Variants in AMOT observed in about 807,000 individuals in gnomAD.
AMOT encodes angiomotin.
AMOT carries 11 observed loss-of-function variants against 67.0 expected under a neutral mutation model. That is an observed-to-expected ratio of 0.16 (90% CI 0.10 to 0.27). The LOEUF (loss-of-function observed/expected upper bound fraction) is 0.27. Ranked by LOEUF, AMOT falls within the 10% of genes least tolerant of loss-of-function variation. The probability of loss-of-function intolerance (pLI) is 1.00; values close to 1 mark genes in which losing one functional copy is unlikely to be tolerated. For missense variants in AMOT, 753 were observed against 852.0 expected (o/e 0.88, Z 1.45); for synonymous variants, 326 against 321.4 (o/e 1.01, Z -0.15).
chrX:112,833,522 T>C (rs1935055215), intron 1 of AMOT, among the ~76,000 whole-genome samples: 2 of 102,730 alleles, frequency 1.9e-5, no homozygotes, highest in Non-Finnish European at 3.9e-5. Flanking sequence ...TCAAAAACTG[T>C]TTGCTTTTTA....
At chrX:112,806,554 C>T (rs1184967850) in intron 7 of AMOT, among the ~76,000 whole-genome samples, 2 of 109,137 alleles carry the variant, frequency 1.8e-5, no homozygotes, top group African/African-American at 6.7e-5. Context: ...ATATAATGAG[C>T]GTTTAATAAA....
intron 5 of AMOT, 152 bp downstream of exon 5, chrX:112,815,206 G>C: frequency 1.3e-6 from 1 of 761,957 alleles, no homozygotes; most frequent in Non-Finnish European, 1.9e-6. Flanking sequence ...TTTTTCCAAA[G>C]TTTGACTCAT....
At chrX:112,831,326 ACTCTG>A (rs1461003237) in intron 2 of AMOT, among the ~76,000 whole-genome samples, 1 of 109,963 alleles carries the variant, frequency 9.1e-6, no homozygotes, top group Non-Finnish European at 1.9e-5. Context: ...CCTGACCTCA[ACTCTG>A]CTCAACATGG....
intron 10 of AMOT, among the ~76,000 whole-genome samples, chrX:112,783,720 T>TGG (rs1335438656): frequency 9.2e-6 from 1 of 108,630 alleles, no homozygotes; most frequent in Non-Finnish European, 1.9e-5. Flanking sequence ...TGTGTGTGTG[T>TGG]GGTGGGCGGG....
Position 112,840,539 on chromosome X carries a change from G to T in AMOT, c.-376C>A, listed in dbSNP as rs1035653559. ...CCAGCGGCCAGGGATGGGCAGGGGGGAAGCCCCAACTCCCGGCTGCTCCCC... is the reference window on the plus strand; with the variant it reads ...CCAGCGGCCAGGGATGGGCAGGGGGTAAGCCCCAACTCCCGGCTGCTCCCC... On this transcript the variant is annotated 5_prime_UTR_variant, in exon 1 of 14. Transcript: ENST00000371959. The T allele has an allele frequency of 8.8e-6, 1 of 113,058 alleles. No homozygotes were observed. The highest frequency in any genetic ancestry group is 3.2e-5 in the African/African-American group (1 of 31,141). The allele number at this position is 113,058 out of a possible 1,213,427, so 9.3% of individuals were successfully genotyped here. A position where few individuals can be genotyped will look rare whatever the true frequency, so the allele number is the denominator to read the frequency against.
intron 4 of AMOT, 148 bp from the exon 5 acceptor site, chrX:112,816,025 T>A: frequency 1.2e-6 from 1 of 816,793 alleles, no homozygotes; most frequent in Non-Finnish European, 1.7e-6. Flanking sequence ...TGGGGAAGTC[T>A]AACCCTGCCT....
intron 2 of AMOT, among the ~76,000 whole-genome samples, chrX:112,829,227 C>T (rs996096329): frequency 9.0e-6 from 1 of 111,723 alleles, no homozygotes; most frequent in African/African-American, 3.3e-5. Context: ...GCCCAAATCT[C>T]ATGTTGAATT....
chrX:112,791,223 T>G (rs773103961), intron 9 of AMOT, among the ~76,000 whole-genome samples: 1 of 97,581 alleles, frequency 1.0e-5, no homozygotes, highest in South Asian at 4.6e-4. Flanking sequence ...CTACTAAAAA[T>G]ACAAAAAAAA....
At chrX:112,830,686 G>A (rs1357865441) in intron 2 of AMOT, among the ~76,000 whole-genome samples, 2 of 112,003 alleles carry the variant, frequency 1.8e-5, no homozygotes, top group African/African-American at 3.2e-5. Flanking sequence ...AGTGGCTTGC[G>A]AAATGGCAGA....
In AMOT at chrX:112,779,638, G is replaced by A. The variant is rs1355108884; in HGVS notation, c.2516C>T (p.Ser839Phe). Residue 839 changes from serine to phenylalanine, a missense_variant, in exon 13 of 14, where the codon TCC becomes TTC. Physicochemically the swap from Ser to Phe is radical, Grantham distance 155. Transcript: ENST00000371959. ...GGDYRAEYVP[S>F]TPSPVPPSTP... ...CGAGGGTGGCACAGGCGAGGGTGTGGAAGGGACATATTCAGCACGGTAGTC... is the reference window on the plus strand; with the variant it reads ...CGAGGGTGGCACAGGCGAGGGTGTGAAAGGGACATATTCAGCACGGTAGTC... 1 of 1,208,235 alleles carries A rather than the reference G, an allele frequency of 8.3e-7. No individual in the cohort carries two copies. The highest frequency in any genetic ancestry group is 1.1e-6 in the Non-Finnish European group (1 of 894,686).
intron 8 of AMOT, among the ~76,000 whole-genome samples, chrX:112,802,660 C>A (rs2147799333): frequency 8.9e-6 from 1 of 112,463 alleles, no homozygotes; most frequent in Admixed American, 9.4e-5. Flanking sequence ...AAGAACTTAA[C>A]AATAATTGAT....
chrX:112,792,093 AGTCCAGCTGC>A, intron 8 of AMOT, 112 bp from the exon 9 acceptor site: 1 of 915,151 alleles, frequency 1.1e-6, no homozygotes, highest in Admixed American at 2.7e-5. Context: ...CTTGTTTTAG[AGTCCAGCTGC>A]AAAAAGGAAT....
At chrX:112,815,225 T>C (rs1934505847) in intron 5 of AMOT, 133 bp downstream of exon 5, 1 of 870,298 alleles carries the variant, frequency 1.1e-6, no homozygotes, top group South Asian at 2.6e-5. Context: ...ATATCTAACC[T>C]TCAGATATAA....
intron 4 of AMOT, among the ~76,000 whole-genome samples, chrX:112,821,961 A>AG (rs917618383): frequency 8.9e-6 from 1 of 112,460 alleles, no homozygotes; most frequent in African/African-American, 3.2e-5. Context: ...TCAACATCCT[A>AG]GGAGAGAGGA....
At chrX:112,787,386 T>C (rs1255027481) in intron 10 of AMOT, among the ~76,000 whole-genome samples, 2 of 112,053 alleles carry the variant, frequency 1.8e-5, no homozygotes, top group Non-Finnish European at 3.8e-5. Context: ...TTCAAAATCA[T>C]TGTGTTGAGT....
At chrX:112,821,007 G>A (rs1210457400) in intron 4 of AMOT, among the ~76,000 whole-genome samples, 1 of 108,414 alleles carries the variant, frequency 9.2e-6, no homozygotes, top group Non-Finnish European at 1.9e-5. Flanking sequence ...AGTCCAAAGT[G>A]AATTGCCTCT....
At position 112,791,953 on chromosome X, in the gene AMOT, T is replaced by C; in HGVS notation, c.1805A>G (p.Lys602Arg). Residue 602 changes from lysine (K) to arginine (R), a missense_variant, in exon 9 of 14, where the codon AAG becomes AGG. This residue lies in a region of AMOT where 66 missense variants were observed against 112.9 expected (regional missense o/e 0.58). Coordinates refer to ENST00000371959, the MANE Select transcript of AMOT (RefSeq NM_001113490.2). The stretch of plus-strand genomic sequence containing the variant: ...AAGGGCCTGCTGCATCTTCTCCACC[T>C]TGTCAACGTACACTTGCTTCTTTTT... ...ELKKKQVYVD[K>R]VEKMQQALVQ... 1 of 1,211,682 alleles carries C rather than the reference T, an allele frequency of 8.3e-7. No individual in the cohort carries two copies. Among genetic ancestry groups the C allele is most frequent in the Non-Finnish European group, 1.1e-6 (1 of 895,398 alleles).
intron 4 of AMOT, among the ~76,000 whole-genome samples, chrX:112,818,195 T>C (rs974044512): frequency 2.7e-5 from 3 of 111,232 alleles, no homozygotes; most frequent in African/African-American, 9.8e-5. Context: ...GAACGCCCAG[T>C]TCTGAAATGG....
At chrX:112,810,413 A>G (rs1381281727) in intron 6 of AMOT, among the ~76,000 whole-genome samples, 1 of 112,271 alleles carries the variant, frequency 8.9e-6, no homozygotes, top group Non-Finnish European at 1.9e-5. Context: ...AAATTCAAAG[A>G]TAGTAACATC....
Sources: allele counts gnomAD v4.1 joint callset (sites outside exome capture counted in the v4.1 genomes callset), GRCh38; gene constraint gnomAD v4.1.1; regional missense constraint gnomAD v4.1.1; transcripts MANE v1.5; gene names NCBI Gene and HGNC (gene_info 2026-07-23, HGNC 2026-07-21).